POU3F3: variants seen among roughly 807,000 people sequenced by gnomAD.
The protein encoded by POU3F3 is POU class 3 homeobox 3, also known as POU domain, class 3, transcription factor 3.
In POU3F3, 1 loss-of-function variant was observed where a neutral mutation model predicts 8.6. That is an observed-to-expected ratio of 0.12 (90% CI 0.04 to 0.55). The LOEUF (loss-of-function observed/expected upper bound fraction) is 0.55. POU3F3 is among the 20% of genes least tolerant of loss of function. The probability of loss-of-function intolerance (pLI) is 0.91; values close to 1 mark genes in which losing one functional copy is unlikely to be tolerated. For synonymous variants in POU3F3, 418 were observed against 327.4 expected (o/e 1.28, Z -2.99); for missense variants, 577 against 690.7 (o/e 0.84, Z 1.84).
the POU3F3 span, among the ~76,000 whole-genome samples, chr2:104,878,185 T>C: frequency 2.1e-4 from 32 of 152,212 alleles, no homozygotes; most frequent in African/African-American, 7.5e-4. Context: ...ACAGATCAGC[T>C]GTGCTAGCAG....
the POU3F3 span, among the ~76,000 whole-genome samples, chr2:104,897,869 T>C: frequency 6.6e-6 from 1 of 152,214 alleles, no homozygotes; most frequent in Non-Finnish European, 1.5e-5. Flanking sequence ...CAAGAAAGGC[T>C]TTCTTTCTAG....
the POU3F3 span, among the ~76,000 whole-genome samples, chr2:104,873,929 C>G: frequency 6.6e-6 from 1 of 152,214 alleles, no homozygotes; most frequent in South Asian, 2.1e-4. Context: ...TTGCGCCTGT[C>G]TTAATACGGA....
the POU3F3 span, among the ~76,000 whole-genome samples, chr2:104,926,904 C>G: frequency 6.6e-6 from 1 of 152,086 alleles, no homozygotes; most frequent in African/African-American, 2.4e-5. Context: ...AATGAGAACA[C>G]ATGGACATAG....
the POU3F3 span, among the ~76,000 whole-genome samples, chr2:104,902,457 C>T: frequency 6.6e-6 from 1 of 152,118 alleles, no homozygotes; most frequent in Admixed American, 6.5e-5. Context: ...TAACATAAAA[C>T]ATAAAGGTTA....
At chr2:104,899,113 G>T in the POU3F3 span, among the ~76,000 whole-genome samples, 3 of 152,310 alleles carry the variant, frequency 2.0e-5, no homozygotes, top group East Asian at 5.8e-4. Flanking sequence ...AAGGAGCATG[G>T]TGAGCATGAA....
the POU3F3 span, chr2:104,866,425 T>C: frequency 1.3e-5 from 2 of 152,140 alleles, no homozygotes; most frequent in African/African-American, 4.8e-5. Context: ...AGAGATCAGT[T>C]ACCTTTCCCC....
At chr2:104,874,607 A>G in the POU3F3 span, among the ~76,000 whole-genome samples, 1 of 152,114 alleles carries the variant, frequency 6.6e-6, no homozygotes, top group Non-Finnish European at 1.5e-5. Context: ...TATGCCTTCA[A>G]GCAAAGGGTG....
At chr2:104,894,811 T>C in the POU3F3 span, among the ~76,000 whole-genome samples, 2 of 152,230 alleles carry the variant, frequency 1.3e-5, no homozygotes, top group Non-Finnish European at 2.9e-5. Flanking sequence ...TCCTGCATTG[T>C]TCTGGAGACT....
At position 104,855,099 on chromosome 2, in the gene POU3F3, T is replaced by C. The variant is rs1460467827; in HGVS notation, c.-412T>C. Among the ~76,000 whole-genome samples the C allele has an allele frequency of 6.6e-6, 1 of 151,606 alleles. No homozygotes were observed. Among genetic ancestry groups the C allele is most frequent in the Admixed American group, 6.6e-5 (1 of 15,244 alleles). ...CCCCGCCCCGCCCGGCGAGCCCCGC[T>C]GGAGCGAGCCCAGCGCGCCGGGGCT... On this transcript the variant is annotated 5_prime_UTR_variant, in exon 1 of 1. Coordinates refer to ENST00000361360, the MANE Select transcript of POU3F3 (RefSeq NM_006236.3).
chr2:104,889,459 A>T, the POU3F3 span, among the ~76,000 whole-genome samples: 1 of 152,152 alleles, frequency 6.6e-6, no homozygotes, highest in African/African-American at 2.4e-5. Context: ...CATTCCTCCC[A>T]GTGTGCAGGT....
chr2:104,905,928 G>T, the POU3F3 span, among the ~76,000 whole-genome samples: 3 of 152,186 alleles, frequency 2.0e-5, no homozygotes, highest in Non-Finnish European at 4.4e-5. Flanking sequence ...CTTTTGAGGG[G>T]ACACAATTCA....
At chr2:104,891,661 G>A in the POU3F3 span, among the ~76,000 whole-genome samples, 1 of 152,222 alleles carries the variant, frequency 6.6e-6, no homozygotes, top group Admixed American at 6.5e-5. Context: ...TGGGCCTTTG[G>A]TTGGTGTGGG....
chr2:104,879,243 C>CGA, the POU3F3 span, among the ~76,000 whole-genome samples: 1 of 151,150 alleles, frequency 6.6e-6, no homozygotes, highest in Non-Finnish European at 1.5e-5. Context: ...GAGAAGAAAC[C>CGA]GAGAGAGGAG....
the POU3F3 span, among the ~76,000 whole-genome samples, chr2:104,888,838 G>C: frequency 1.3e-5 from 2 of 152,146 alleles, no homozygotes; most frequent in South Asian, 4.2e-4. Context: ...CCCTTTCTTC[G>C]ATCCAAACAC....
the POU3F3 span, among the ~76,000 whole-genome samples, chr2:104,913,191 C>T: frequency 6.8e-6 from 1 of 146,308 alleles, no homozygotes; most frequent in Admixed American, 6.8e-5. Context: ...GGCCTGTTGG[C>T]TTTTTTTTTT....
rs1676510895 is a variant in POU3F3, at chr2:104,854,674, T to G, written c.-837T>G. On this transcript the variant is annotated 5_prime_UTR_variant, in exon 1 of 1. Transcript: ENST00000361360. The surrounding 1 kb of genome is among the most constrained non-coding windows in gnomAD (Gnocchi z 4.5). ...ATAGCAACTTCAGAGAAATGCACCATCGCAAGAAGTTTTCCTAGGACAGAA... is the reference window on the plus strand; with the variant it reads ...ATAGCAACTTCAGAGAAATGCACCAGCGCAAGAAGTTTTCCTAGGACAGAA... Among the ~76,000 whole-genome samples, 1 of 152,018 alleles carries G rather than the reference T, an allele frequency of 6.6e-6. No individual in the cohort carries two copies. Among genetic ancestry groups the G allele is most frequent in the African/African-American group, 2.4e-5 (1 of 41,388 alleles).
chr2:104,869,752 C>A, the POU3F3 span: 1 of 152,166 alleles, frequency 6.6e-6, no homozygotes, highest in Non-Finnish European at 1.5e-5. Flanking sequence ...GCCCCTCGCT[C>A]CCCCCCACCT....
At chr2:104,895,299 G>A in the POU3F3 span, among the ~76,000 whole-genome samples, 2 of 152,094 alleles carry the variant, frequency 1.3e-5, no homozygotes, top group African/African-American at 2.4e-5. Flanking sequence ...CATATTTTAG[G>A]TAAACAACAA....
At chr2:104,871,782 T>G in the POU3F3 span, among the ~76,000 whole-genome samples, 1 of 152,170 alleles carries the variant, frequency 6.6e-6, no homozygotes, top group East Asian at 1.9e-4. Context: ...GATATAGAAT[T>G]GAGGTCACAT....
Sources: gnomAD v4.1 joint callset for allele counts (sites outside exome capture counted in the v4.1 genomes callset) on GRCh38, gnomAD v4.1.1 for gene constraint, Gnocchi (gnomAD v3.1) non-coding constraint, MANE v1.5 for transcripts, NCBI Gene and HGNC (gene_info 2026-07-23, HGNC 2026-07-21) for gene names.